Variants in CHRM3 observed in about 807,000 individuals in gnomAD.
CHRM3 encodes the protein cholinergic receptor muscarinic 3.
In CHRM3, 11 loss-of-function variants were observed where a neutral mutation model predicts 41.8. The ratio of observed to expected loss-of-function variants is 0.26; its 90% CI spans 0.17 to 0.44. The LOEUF (loss-of-function observed/expected upper bound fraction) is 0.44. Ranked by LOEUF, CHRM3 falls within the 20% of genes least tolerant of loss-of-function variation. The probability of loss-of-function intolerance (pLI) is 1.00; values close to 1 mark genes in which losing one functional copy is unlikely to be tolerated. For missense variants in CHRM3, 571 were observed against 745.4 expected (o/e 0.77, Z 2.72); for synonymous variants, 297 against 301.4 (o/e 0.99, Z 0.15).
chr1:239,855,172 G>T (rs902644247), intron 6 of CHRM3, among the ~76,000 whole-genome samples: 2 of 152,262 alleles, frequency 1.3e-5, no homozygotes, highest in South Asian at 4.1e-4. Context: ...CAGAAATGAT[G>T]AGTGTCCCTG....
chr1:239,850,543 A>G (rs1674618028), intron 6 of CHRM3, among the ~76,000 whole-genome samples: 1 of 152,192 alleles, frequency 6.6e-6, no homozygotes, highest in African/African-American at 2.4e-5. Context: ...TCATTTGTTA[A>G]GAAATCTGTT....
intron 1 of CHRM3, among the ~76,000 whole-genome samples, chr1:239,398,484 C>T (rs998213757): frequency 6.6e-6 from 1 of 151,896 alleles, no homozygotes; most frequent in Admixed American, 6.6e-5. Flanking sequence ...GATCTGCCCG[C>T]CTCGGCCTCC....
chr1:239,692,548 A>C (rs1381211365), intron 5 of CHRM3, among the ~76,000 whole-genome samples: 1 of 152,192 alleles, frequency 6.6e-6, no homozygotes, highest in Non-Finnish European at 1.5e-5. Flanking sequence ...CTAATGAGTA[A>C]ATTGGTTCCA....
At chr1:239,550,568 T>C (rs1659718344) in intron 3 of CHRM3, among the ~76,000 whole-genome samples, 1 of 152,214 alleles carries the variant, frequency 6.6e-6, no homozygotes, top group East Asian at 1.9e-4. Flanking sequence ...TGTCTTTCAA[T>C]ATGGATGTTT....
intron 5 of CHRM3, among the ~76,000 whole-genome samples, chr1:239,821,162 T>C (rs1421214434): frequency 3.9e-5 from 6 of 152,186 alleles, no homozygotes; most frequent in Non-Finnish European, 7.3e-5. Flanking sequence ...GGTATGGTTG[T>C]TTTTTAAAAT....
At chr1:239,800,889 A>G (rs1346782952) in intron 5 of CHRM3, among the ~76,000 whole-genome samples, 1 of 103,190 alleles carries the variant, frequency 9.7e-6, no homozygotes, top group East Asian at 3.0e-4. Flanking sequence ...TAAGAAATGT[A>G]AGAAAAATGT....
At chr1:239,782,999 T>G (rs1021002770) in intron 5 of CHRM3, among the ~76,000 whole-genome samples, 2 of 151,972 alleles carry the variant, frequency 1.3e-5, no homozygotes, top group East Asian at 3.9e-4. Flanking sequence ...TTTTAATTTG[T>G]TAAAGTGTGT....
chr1:239,436,333 C>G (rs944524279), intron 1 of CHRM3, among the ~76,000 whole-genome samples: 3 of 152,082 alleles, frequency 2.0e-5, no homozygotes, highest in African/African-American at 7.2e-5. Flanking sequence ...GCCCTGGGAT[C>G]CCGTTGGTCC....
chr1:239,837,129 C>A (rs559444607), intron 6 of CHRM3, among the ~76,000 whole-genome samples: 1 of 152,168 alleles, frequency 6.6e-6, no homozygotes, highest in Non-Finnish European at 1.5e-5. Context: ...CTCCATGGAT[C>A]AGTCACAGGC....
rs185685277 is a variant in CHRM3 at position 239,737,990 on chromosome 1, T to C, written c.-147+59702T>C. 5.1e-3 allele frequency among the ~76,000 whole-genome samples: 780 copies of C among 152,200 alleles called. 7 individuals are homozygous for C. Among genetic ancestry groups the C allele is most frequent in the Non-Finnish European group, 6.2e-3 (419 of 68,004 alleles). On this transcript the variant is annotated intron_variant, in intron 5 of 6. Coordinates refer to ENST00000676153, the MANE Select transcript of CHRM3 (RefSeq NM_001375978.1). ...TATAATACCAACCTGGGAATGAGAA[T>C]GACAAAAATAACAACAACAACAACA...
intron 6 of CHRM3, among the ~76,000 whole-genome samples, chr1:239,906,413 G>A (rs1679969113): frequency 6.6e-6 from 1 of 152,158 alleles, no homozygotes; most frequent in Admixed American, 6.5e-5. Context: ...ATTGAGGAAT[G>A]ATTTGCTTAT....
chr1:239,536,752 A>G (rs1381279868), intron 2 of CHRM3, among the ~76,000 whole-genome samples: 3 of 152,184 alleles, frequency 2.0e-5, no homozygotes, highest in Non-Finnish European at 4.4e-5. Flanking sequence ...TTTCCAGGAA[A>G]ACCAAGGTCT....
At chr1:239,678,859 A>C (rs1658258586) in intron 5 of CHRM3, among the ~76,000 whole-genome samples, 1 of 152,186 alleles carries the variant, frequency 6.6e-6, no homozygotes, top group Non-Finnish European at 1.5e-5. Context: ...ACATAAAAAC[A>C]AAAAATATGC....
intron 3 of CHRM3, among the ~76,000 whole-genome samples, chr1:239,571,126 A>C (rs1661784475): frequency 6.6e-6 from 1 of 152,134 alleles, no homozygotes; most frequent in African/African-American, 2.4e-5. Context: ...GAATCTACCC[A>C]GAGAAATGAC....
intron 5 of CHRM3, among the ~76,000 whole-genome samples, chr1:239,702,395 A>G (rs1418542009): frequency 1.3e-5 from 2 of 152,144 alleles, no homozygotes; most frequent in African/African-American, 2.4e-5. Flanking sequence ...ACTGTACACA[A>G]CTTCTTCTGT....
intron 5 of CHRM3, among the ~76,000 whole-genome samples, chr1:239,711,319 T>A (rs992235960): frequency 1.3e-5 from 2 of 151,906 alleles, no homozygotes; most frequent in African/African-American, 4.8e-5. Context: ...TCCCGGGTGC[T>A]CCCCAAAAGT....
intron 3 of CHRM3, among the ~76,000 whole-genome samples, chr1:239,608,613 TC>T (rs1257255665): frequency 6.6e-6 from 1 of 152,166 alleles, no homozygotes; most frequent in Non-Finnish European, 1.5e-5. Flanking sequence ...TTAGAACATT[TC>T]GTATCTTTGA....
chr1:239,405,271 T>C (rs1194533457), intron 1 of CHRM3, among the ~76,000 whole-genome samples: 1 of 152,138 alleles, frequency 6.6e-6, no homozygotes, highest in Non-Finnish European at 1.5e-5. Flanking sequence ...CCACACACAA[T>C]CTCTTCTATT....
chr1:239,584,976 T>C (rs1038979165), intron 3 of CHRM3, among the ~76,000 whole-genome samples: 1 of 151,898 alleles, frequency 6.6e-6, no homozygotes, highest in Admixed American at 6.6e-5. Context: ...TAAACTAGCT[T>C]CTGGTTAGAG....
Sources: allele counts gnomAD v4.1 joint callset (sites outside exome capture counted in the v4.1 genomes callset), GRCh38; gene constraint gnomAD v4.1.1; transcripts MANE v1.5; gene names NCBI Gene and HGNC (gene_info 2026-07-23, HGNC 2026-07-21).